Variants in KALRN observed in about 807,000 individuals in gnomAD.
The protein encoded by KALRN is kalirin.
A neutral mutation model predicts 353.7 loss-of-function variants in KALRN; 70 were observed. That is an observed-to-expected ratio of 0.20 (90% CI 0.16 to 0.24). KALRN has a LOEUF of 0.24. Among genes scored for constraint, KALRN ranks in the 10% least tolerant of loss-of-function variants. The pLI is 1.00. For missense variants in KALRN, 2,791 were observed against 3,756.7 expected (o/e 0.74, Z 6.72); for synonymous variants, 1,391 against 1,434.8 (o/e 0.97, Z 0.69).
At chr3:124,120,996 AG>A (rs2063955615) in intron 1 of KALRN, among the ~76,000 whole-genome samples, 1 of 145,506 alleles carries the variant, frequency 6.9e-6, no homozygotes, top group African/African-American at 2.5e-5. Context: ...TGGGAAGCTG[AG>A]GCATGAGAAT....
intron 33 of KALRN, among the ~76,000 whole-genome samples, chr3:124,502,748 G>A (rs1465796569): frequency 6.6e-6 from 1 of 152,180 alleles, no homozygotes; most frequent in East Asian, 1.9e-4. Flanking sequence ...AAGAAAACAG[G>A]CAGCAACATG....
At chr3:124,323,209 G>T (rs914883834) in intron 6 of KALRN, among the ~76,000 whole-genome samples, 1 of 152,090 alleles carries the variant, frequency 6.6e-6, no homozygotes, top group Non-Finnish European at 1.5e-5. Flanking sequence ...GGGGACTGTG[G>T]AGGACTGCCA....
chr3:124,698,736 C>T (rs1039643245), intron 55 of KALRN, among the ~76,000 whole-genome samples: 1 of 152,140 alleles, frequency 6.6e-6, no homozygotes, highest in East Asian at 1.9e-4. Context: ...CACCCCCTAT[C>T]CCCAGATAAA....
Position 124,466,088 on chromosome 3 carries a change from T to C in KALRN, c.4031+3455T>C, listed in dbSNP as rs541510894. Reference sequence around the variant, plus strand: ...TGTGTGTGTGTGTGTCTGTGATCTGTCTGTCTCAAGGACCTTTGTCTTTAT... The same window carrying C: ...TGTGTGTGTGTGTGTCTGTGATCTGCCTGTCTCAAGGACCTTTGTCTTTAT... On this transcript the variant is annotated intron_variant, in intron 25 of 59. Transcript: ENST00000682506. 2.0e-5 allele frequency among the ~76,000 whole-genome samples: 3 copies of C among 150,894 alleles called. No homozygotes were observed. The South Asian group carries it at 6.3e-4, about 32-fold the overall frequency.
chr3:124,145,788 C>T (rs1391324849), intron 1 of KALRN, among the ~76,000 whole-genome samples: 2 of 152,194 alleles, frequency 1.3e-5, no homozygotes, highest in Non-Finnish European at 2.9e-5. Flanking sequence ...GTCCTGTCTT[C>T]TCCCTCTGTG....
At chr3:124,341,899 TGGAAAGTGGGTACACGAGA>T (rs922869580) in intron 9 of KALRN, among the ~76,000 whole-genome samples, 4 of 151,706 alleles carry the variant, frequency 2.6e-5, no homozygotes, top group African/African-American at 9.7e-5. Flanking sequence ...GGAGGTAGCC[TGGAAAGTGGGTACACGAGA>T]GGAAAGGATA....
intron 9 of KALRN, among the ~76,000 whole-genome samples, chr3:124,346,020 G>A (rs1185790260): frequency 6.6e-6 from 1 of 152,206 alleles, no homozygotes; most frequent in Non-Finnish European, 1.5e-5. Context: ...GGAAAGGCTA[G>A]TACATCATTA....
intron 5 of KALRN, among the ~76,000 whole-genome samples, chr3:124,291,753 G>A (rs541507939): frequency 1.3e-5 from 2 of 152,276 alleles, no homozygotes; most frequent in East Asian, 3.9e-4. Flanking sequence ...GTGTCTCCCA[G>A]GTAACCAGGC....
chr3:124,388,976 G>A (rs945429080), intron 11 of KALRN, among the ~76,000 whole-genome samples: 4 of 152,154 alleles, frequency 2.6e-5, no homozygotes, highest in Admixed American at 6.5e-5. Context: ...AGGATTAGTA[G>A]TCTGTTAGGG....
At chr3:124,660,139 C>A (rs1249121976) in intron 43 of KALRN, among the ~76,000 whole-genome samples, 1 of 151,914 alleles carries the variant, frequency 6.6e-6, no homozygotes, top group African/African-American at 2.4e-5. Context: ...CACTATGTTG[C>A]TCAGGCTGGT....
At chr3:124,411,433 C>CTTTTTTTTTTTT (rs61485429) in intron 13 of KALRN, among the ~76,000 whole-genome samples, 1,363 of 51,470 alleles carry the variant, frequency 0.026, 335 homozygotes, top group South Asian at 0.042. Context: ...TTAAATTATG[C>CTTTTTTTTTTTT]TTTTTTTTTT....
chr3:124,632,729 T>C, intron 35 of KALRN, 26 bp downstream of exon 35: 1 of 1,602,620 alleles, frequency 6.2e-7, no homozygotes, highest in Non-Finnish European at 8.5e-7. Flanking sequence ...CCTGGAGTTG[T>C]CCATCAGGAG....
At position 124,033,673 on chromosome 3, in the gene KALRN, G is replaced by T. The variant is rs1375141596; in HGVS notation, c.-68G>T. Among the ~76,000 whole-genome samples, 1 of 151,458 alleles carries T rather than the reference G, an allele frequency of 6.6e-6. No individual in the cohort carries two copies. The highest frequency in any genetic ancestry group is 2.4e-5 in the African/African-American group (1 of 41,238). On this transcript the variant is annotated 5_prime_UTR_variant, in exon 1 of 60. Transcript: ENST00000682506. The surrounding 1 kb of genome is among the most constrained non-coding windows in gnomAD (Gnocchi z 6.2). ...TGCGCCCCGCGCCCTCCGCCCACCG[G>T]GCGCCGAGCAGCCCTCGGCCCCAGG...
chr3:124,583,244 A>G (rs1279205608), intron 34 of KALRN, among the ~76,000 whole-genome samples: 6 of 152,126 alleles, frequency 3.9e-5, no homozygotes, highest in Non-Finnish European at 7.4e-5. Context: ...TTCCTCCCAC[A>G]AACTTCCCTT....
At chr3:124,601,018 T>C (rs958115160) in intron 34 of KALRN, among the ~76,000 whole-genome samples, 3 of 152,216 alleles carry the variant, frequency 2.0e-5, no homozygotes, top group African/African-American at 2.4e-5. Flanking sequence ...TGGGCAATTC[T>C]CTGTCTTTAG....
In KALRN at chr3:124,392,566, G is replaced by GTTT. The variant is rs35858857; in HGVS notation, c.1963-2560_1963-2558dup. The stretch of plus-strand genomic sequence containing the variant: ...TTTTTTTGGAGACAGAGTTTTTTTT[G>GTTT]TTTTTTTTTTTAACAATTTATTGTA... On this transcript the variant is annotated intron_variant, in intron 11 of 59. Coordinates refer to ENST00000682506, the MANE Select transcript of KALRN (RefSeq NM_001388419.1). Among the ~76,000 whole-genome samples, 23 of 128,042 alleles carry GTTT rather than the reference G, an allele frequency of 1.8e-4. No individual in the cohort carries two copies. In the South Asian group the frequency reaches 2.0e-3, roughly 11 times the overall value. 84.0% of individuals were successfully genotyped at this position (128,042 alleles called of 152,430 possible). A position where few individuals can be genotyped will look rare whatever the true frequency, so the allele number is the denominator to read the frequency against.
rs1361800485 is a variant in KALRN at position 124,664,435 on chromosome 3, G to T, written c.6346-2014G>T. 4.0e-5 allele frequency among the ~76,000 whole-genome samples: 6 copies of T among 150,042 alleles called. No individual in the cohort carries two copies. In the East Asian group the frequency reaches 1.2e-3, roughly 29 times the overall value. On this transcript the variant is annotated intron_variant, in intron 45 of 59. Transcript: ENST00000682506. ...CAAGCTTTTTTTTTTTTTTGAGATG[G>T]AGTCTTGCTCTGTCGCCCAGGCTGG...
At chr3:124,449,063 G>C (rs1288376932) in intron 21 of KALRN, among the ~76,000 whole-genome samples, 1 of 152,188 alleles carries the variant, frequency 6.6e-6, no homozygotes, top group Non-Finnish European at 1.5e-5. Context: ...CTTCTGATTA[G>C]AGGCAGCAGC....
intron 11 of KALRN, among the ~76,000 whole-genome samples, chr3:124,389,377 G>T (rs2088964292): frequency 6.6e-6 from 1 of 152,132 alleles, no homozygotes; most frequent in Non-Finnish European, 1.5e-5. Context: ...CACATCAAAA[G>T]ATTTACTCTA....
Sources: gnomAD v4.1 joint callset for allele counts (sites outside exome capture counted in the v4.1 genomes callset) on GRCh38, gnomAD v4.1.1 for gene constraint, Gnocchi (gnomAD v3.1) non-coding constraint, MANE v1.5 for transcripts, NCBI Gene and HGNC (gene_info 2026-07-23, HGNC 2026-07-21) for gene names.